MRRF: variants seen among roughly 807,000 people sequenced by gnomAD.
The protein encoded by MRRF is mitochondrial ribosome recycling factor, also known as ribosome-recycling factor, mitochondrial.
MRRF carries 18 observed loss-of-function variants against 25.1 expected under a neutral mutation model. The observed-to-expected ratio is 0.72, with a 90% CI of 0.50 to 1.06. MRRF has a LOEUF of 1.06. Ranked by LOEUF, MRRF falls within the 50% of genes least tolerant of loss-of-function variation. The pLI, the probability that MRRF is intolerant of heterozygous loss-of-function variation, is 0.00. For synonymous variants in MRRF, 113 were observed against 112.1 expected (o/e 1.01, Z -0.05); for missense variants, 323 against 319.3 (o/e 1.01, Z -0.09).
At chr9:122,305,658 A>C (rs943091038) in intron 5 of MRRF, among the ~76,000 whole-genome samples, 5 of 152,142 alleles carry the variant, frequency 3.3e-5, no homozygotes, top group Admixed American at 6.5e-5. Flanking sequence ...TGGCTGGGCA[A>C]ATATAAGTGG....
intron 2 of MRRF, among the ~76,000 whole-genome samples, chr9:122,273,808 T>A (rs1290349973): frequency 1.3e-5 from 2 of 152,344 alleles, no homozygotes; most frequent in Admixed American, 6.5e-5. Flanking sequence ...GTGTCTGACT[T>A]CTGTGGTAAT....
chr9:122,291,200 G>A (rs928405918), intron 4 of MRRF, among the ~76,000 whole-genome samples: 2 of 152,196 alleles, frequency 1.3e-5, no homozygotes, highest in Admixed American at 6.5e-5. Context: ...CAAAGCCCAT[G>A]CTTTAAGCTA....
intron 4 of MRRF, chr9:122,285,916 G>A (rs1342380291): frequency 1.5e-6 from 2 of 1,298,878 alleles, no homozygotes; most frequent in African/African-American, 1.5e-5. Flanking sequence ...GCAGAATATT[G>A]CATGGAGCAC....
intron 6 of MRRF, among the ~76,000 whole-genome samples, chr9:122,318,324 A>G (rs1250313557): frequency 6.6e-6 from 1 of 151,490 alleles, no homozygotes; most frequent in Non-Finnish European, 1.5e-5. Context: ...CTGCTGTTTC[A>G]CCTTTGCTTT....
intron 1 of MRRF, chr9:122,265,787 A>C (rs1832035862): frequency 1.6e-6 from 2 of 1,285,150 alleles, no homozygotes; most frequent in Admixed American, 2.3e-5. Context: ...TAAGGTAGGC[A>C]TACTGGAATC....
chr9:122,269,681 G>A (rs996902989), intron 1 of MRRF, among the ~76,000 whole-genome samples: 2 of 152,126 alleles, frequency 1.3e-5, no homozygotes, highest in Admixed American at 1.3e-4. Context: ...AGCCAAGATC[G>A]TGCCACTGTA....
intron 1 of MRRF, among the ~76,000 whole-genome samples, chr9:122,269,735 TA>T (rs1394017007): frequency 2.6e-5 from 4 of 152,070 alleles, no homozygotes; most frequent in African/African-American, 4.8e-5. Context: ...CAAAAGATAA[TA>T]AAGATAATAT....
rs187644609 is a variant in MRRF at position 122,296,984 on chromosome 9, G to A, written c.551+5144G>A. 4.5e-3 allele frequency among the ~76,000 whole-genome samples: 688 copies of A among 152,162 alleles called. 8 individuals are homozygous for A. Among genetic ancestry groups the A allele is most frequent in the Non-Finnish European group, 7.0e-3 (474 of 67,990 alleles). On this transcript the variant is annotated intron_variant, in intron 5 of 6. Coordinates refer to ENST00000344641, the MANE Select transcript of MRRF (RefSeq NM_138777.5). ...ATTGTCTTCCGATTCCTTCATCAGCGTCTCTGTTGGTTTTATTTTAAATAA... is the reference window on the plus strand; with the variant it reads ...ATTGTCTTCCGATTCCTTCATCAGCATCTCTGTTGGTTTTATTTTAAATAA...
chr9:122,304,091 A>ACACACACACACACACT (rs1834663672), intron 5 of MRRF, among the ~76,000 whole-genome samples: 2 of 151,926 alleles, frequency 1.3e-5, no homozygotes, highest in African/African-American at 4.8e-5. Flanking sequence ...ACACACACAC[A>ACACACACACACACACT]CACACACACC....
intron 1 of MRRF, among the ~76,000 whole-genome samples, chr9:122,268,746 T>A (rs2119017072): frequency 6.6e-6 from 1 of 152,348 alleles, no homozygotes; most frequent in Non-Finnish European, 1.5e-5. Flanking sequence ...AAATATTCCC[T>A]TTTTTCATCA....
intron 5 of MRRF, among the ~76,000 whole-genome samples, chr9:122,310,518 G>A (rs1309087324): frequency 1.3e-5 from 2 of 152,200 alleles, no homozygotes; most frequent in East Asian, 1.9e-4. Context: ...CATCCATAAG[G>A]CGGTTTCCAA....
chr9:122,286,276 G>A (rs548142368), intron 4 of MRRF: 7 of 1,107,266 alleles, frequency 6.3e-6, no homozygotes, highest in Admixed American at 2.7e-5. Flanking sequence ...ATAGGAGAAA[G>A]GGAAAGCCCT....
At chr9:122,283,083 A>G (rs1481122788) in intron 3 of MRRF, among the ~76,000 whole-genome samples, 1 of 151,804 alleles carries the variant, frequency 6.6e-6, no homozygotes, top group Non-Finnish European at 1.5e-5. Context: ...CCCATGAAAT[A>G]TAAGTACAAT....
At chr9:122,286,007 G>A (rs761668693) in intron 4 of MRRF, 62 of 1,302,744 alleles carry the variant, frequency 4.8e-5, no homozygotes, top group Admixed American at 1.4e-4. Context: ...AGTTGAAGAA[G>A]GTAATTGGGC....
At chr9:122,281,910 T>G (rs1833112144) in intron 3 of MRRF, among the ~76,000 whole-genome samples, 1 of 152,144 alleles carries the variant, frequency 6.6e-6, no homozygotes. Flanking sequence ...TTTGATGCAT[T>G]ATGTCGATAC....
chr9:122,319,521 G>T (rs1171717881), intron 6 of MRRF, among the ~76,000 whole-genome samples: 9 of 152,124 alleles, frequency 5.9e-5, no homozygotes, highest in Admixed American at 5.2e-4. Context: ...TATTCTACCT[G>T]CTTCATAGAG....
chr9:122,291,410 A>G (rs926555037), intron 4 of MRRF, among the ~76,000 whole-genome samples: 5 of 152,302 alleles, frequency 3.3e-5, no homozygotes, highest in South Asian at 4.1e-4. Context: ...CTTTACACCA[A>G]TCTTTGCAGA....
At chr9:122,308,061 G>A (rs1176199124) in intron 5 of MRRF, among the ~76,000 whole-genome samples, 3 of 152,324 alleles carry the variant, frequency 2.0e-5, no homozygotes, top group Admixed American at 6.5e-5. Flanking sequence ...GAATTTTTCA[G>A]GAAGGCCCCC....
Position 122,328,753 on chromosome 9 carries a change from A to G in MRRF, c.*6136A>G, listed in dbSNP as rs1215302956. On this transcript the variant is annotated 3_prime_UTR_variant, in exon 7 of 7. Coordinates refer to ENST00000344641, the MANE Select transcript of MRRF (RefSeq NM_138777.5). Reference sequence around the variant, plus strand: ...CTAAGCAGATAAAGGATTAGAGATTAGAATGAGGAAGAGGGTTGCTTCACA... The same window carrying G: ...CTAAGCAGATAAAGGATTAGAGATTGGAATGAGGAAGAGGGTTGCTTCACA... The G allele has an allele frequency of 1.3e-5, 2 of 152,238 alleles. No individual in the cohort carries two copies. The highest frequency in any genetic ancestry group is 4.8e-5 in the African/African-American group (2 of 41,468). The allele number at this position is 152,238 out of a possible 1,614,324, so 9.4% of individuals were successfully genotyped here.
Sources: gnomAD v4.1 joint callset for allele counts (sites outside exome capture counted in the v4.1 genomes callset) on GRCh38, gnomAD v4.1.1 for gene constraint, MANE v1.5 for transcripts, NCBI Gene and HGNC (gene_info 2026-07-23, HGNC 2026-07-21) for gene names.